Variants in ADAM17 observed in about 807,000 individuals in gnomAD.
The protein encoded by ADAM17 is disintegrin and metalloproteinase domain-containing protein 17.
A neutral mutation model predicts 96.7 loss-of-function variants in ADAM17; 39 were observed. That is an observed-to-expected ratio of 0.40 (90% CI 0.31 to 0.53). ADAM17 has a LOEUF of 0.53. Among genes scored for constraint, ADAM17 ranks in the 20% least tolerant of loss-of-function variants. ADAM17 has a pLI of 0.44. For synonymous variants in ADAM17, 344 were observed against 359.2 expected (o/e 0.96, Z 0.48); for missense variants, 777 against 1,013.2 (o/e 0.77, Z 3.17).
intron 13 of ADAM17, among the ~76,000 whole-genome samples, chr2:9,498,955 A>G (rs1370104932): frequency 6.6e-6 from 1 of 152,172 alleles, no homozygotes; most frequent in Non-Finnish European, 1.5e-5. Flanking sequence ...AAATCACCTG[A>G]CAGAAGGTTA....
intron 7 of ADAM17, 127 bp downstream of exon 7, chr2:9,523,122 A>G (rs1664376775): frequency 1.5e-6 from 1 of 649,920 alleles, no homozygotes; most frequent in Non-Finnish European, 2.6e-6. Flanking sequence ...ATCATAAAAA[A>G]TCATTGGCAT....
chr2:9,540,800 A>G (rs1247887851), intron 2 of ADAM17, among the ~76,000 whole-genome samples: 1 of 152,228 alleles, frequency 6.6e-6, no homozygotes, highest in Non-Finnish European at 1.5e-5. Flanking sequence ...AATATATAAA[A>G]AGATGCTCAA....
At chr2:9,550,027 T>C (rs768228439) in intron 1 of ADAM17, among the ~76,000 whole-genome samples, 1 of 152,114 alleles carries the variant, frequency 6.6e-6, no homozygotes, top group Non-Finnish European at 1.5e-5. Flanking sequence ...AAGCCAGTAC[T>C]GCTGTGAAGT....
rs139939783 is a variant in ADAM17 at position 9,494,483 on chromosome 2, C to T, written c.1914+154G>A. Among the ~76,000 whole-genome samples, 255 of 152,296 alleles carry T rather than the reference C, an allele frequency of 1.7e-3. 1 individual carries two copies. Among genetic ancestry groups the T allele is most frequent in the African/African-American group, 5.9e-3 (247 of 41,556 alleles). On this transcript the variant is annotated intron_variant, in intron 15 of 18. Transcript: ENST00000310823. Reference sequence around the variant, plus strand: ...AGGCAGGGACCTGAAAGCACTCCGTCTTCTCCTCCTAAGTAATACCCGTAG... The same window carrying T: ...AGGCAGGGACCTGAAAGCACTCCGTTTTCTCCTCCTAAGTAATACCCGTAG...
At chr2:9,540,726 A>C (rs918013953) in intron 2 of ADAM17, among the ~76,000 whole-genome samples, 1 of 152,220 alleles carries the variant, frequency 6.6e-6, no homozygotes, top group South Asian at 2.1e-4. Context: ...AGACAAATTC[A>C]ATAGAAAAAT....
intron 6 of ADAM17, among the ~76,000 whole-genome samples, chr2:9,524,645 G>A (rs1418251715): frequency 6.6e-6 from 1 of 152,168 alleles, no homozygotes; most frequent in Non-Finnish European, 1.5e-5. Context: ...CCAGAAACAA[G>A]TAAGGGGCCG....
rs371552823 is a variant in ADAM17 at position 9,491,004 on chromosome 2, C to G, written c.2133+97G>C. On this transcript the variant is annotated intron_variant, in intron 18 of 18. Coordinates refer to ENST00000310823, the MANE Select transcript of ADAM17 (RefSeq NM_003183.6). ...TTCCTGCTGCAACATGACCTTCCAT[C>G]AGCCAGTGAAAGCTCTTGCTGGGTC... The G allele has an allele frequency of 1.4e-4, 154 of 1,077,712 alleles. 1 individual carries two copies. In the African/African-American group the frequency reaches 2.2e-3, roughly 16 times the overall value. The allele number at this position is 1,077,712 out of a possible 1,614,324, so 66.8% of individuals were successfully genotyped here. A position where few individuals can be genotyped will look rare whatever the true frequency, so the allele number is the denominator to read the frequency against.
At chr2:9,518,898 G>C (rs995238315) in intron 8 of ADAM17, among the ~76,000 whole-genome samples, 7 of 29,670 alleles carry the variant, frequency 2.4e-4, no homozygotes, top group East Asian at 1.2e-3. Context: ...CCTTAATTTG[G>C]GGGGGGGGTT....
chr2:9,533,470 C>T (rs1664835428), intron 4 of ADAM17, among the ~76,000 whole-genome samples: 1 of 152,018 alleles, frequency 6.6e-6, no homozygotes, highest in African/African-American at 2.4e-5. Flanking sequence ...TGGCTTGAAC[C>T]CAGGAGGCAG....
Position 9,492,888 on chromosome 2 carries a change from G to T in ADAM17, c.2082+10C>A. On this transcript the variant is annotated intron_variant, in intron 17 of 18. Coordinates refer to ENST00000310823, the MANE Select transcript of ADAM17 (RefSeq NM_003183.6). Reference sequence around the variant, plus strand: ...TAAAACATTTAATTACTTAAAAGTTGATGACTTACCACACAATGGACAAGA... The same window carrying T: ...TAAAACATTTAATTACTTAAAAGTTTATGACTTACCACACAATGGACAAGA... 1 of 1,601,186 alleles carries T rather than the reference G, an allele frequency of 6.2e-7. No homozygotes were observed. Among genetic ancestry groups the T allele is most frequent in the South Asian group, 1.1e-5 (1 of 89,318 alleles).
intron 13 of ADAM17, among the ~76,000 whole-genome samples, chr2:9,500,285 A>C (rs1662921596): frequency 6.6e-6 from 1 of 152,242 alleles, no homozygotes; most frequent in African/African-American, 2.4e-5. Context: ...CAGTGAAAGA[A>C]GCCAGTCATA....
At chr2:9,547,815 C>A (rs1001567311) in intron 1 of ADAM17, among the ~76,000 whole-genome samples, 2 of 152,010 alleles carry the variant, frequency 1.3e-5, no homozygotes, top group African/African-American at 4.8e-5. Context: ...CTTGGGAGGC[C>A]AAGATGGGTA....
chr2:9,538,968 A>G (rs1665095477), intron 2 of ADAM17, among the ~76,000 whole-genome samples: 1 of 152,178 alleles, frequency 6.6e-6, no homozygotes, highest in Admixed American at 6.5e-5. Context: ...TCAGTTCTAG[A>G]CCTTCTCAAG....
At chr2:9,538,279 A>G (rs1399897031) in intron 2 of ADAM17, among the ~76,000 whole-genome samples, 1 of 152,198 alleles carries the variant, frequency 6.6e-6, no homozygotes, top group East Asian at 1.9e-4. Flanking sequence ...TACTGAAAAT[A>G]TATTACTTCC....
Position 9,555,768 on chromosome 2 carries a change from G to T in ADAM17, c.-163C>A, listed in dbSNP as rs1463048540. ...CTGGGAAGATTCTACCGCCAGGCTCGACGCCCCCAGAAGTGCAGGTGGCGT... is the reference window on the plus strand; with the variant it reads ...CTGGGAAGATTCTACCGCCAGGCTCTACGCCCCCAGAAGTGCAGGTGGCGT... On this transcript the variant is annotated 5_prime_UTR_variant, in exon 1 of 19. Coordinates refer to ENST00000310823, the MANE Select transcript of ADAM17 (RefSeq NM_003183.6). 5 of 539,356 alleles carry T rather than the reference G, an allele frequency of 9.3e-6. No individual in the cohort carries two copies. In the East Asian group the frequency reaches 1.3e-4, roughly 14 times the overall value. The allele number at this position is 539,356 out of a possible 1,614,324, so 33.4% of individuals were successfully genotyped here. A position where few individuals can be genotyped will look rare whatever the true frequency, so the allele number is the denominator to read the frequency against.
intron 2 of ADAM17, 113 bp from the exon 3 acceptor site, chr2:9,536,941 G>A (rs1664983294): frequency 8.0e-7 from 1 of 1,242,538 alleles, no homozygotes; most frequent in Non-Finnish European, 1.1e-6. Flanking sequence ...AAAACACTAT[G>A]CAAGTTACAA....
intron 10 of ADAM17, among the ~76,000 whole-genome samples, chr2:9,511,902 C>T (rs771924572): frequency 1.4e-4 from 22 of 151,858 alleles, no homozygotes; most frequent in Non-Finnish European, 2.8e-4. Context: ...ACCCAGGAGG[C>T]GGAGGTTGCT....
At chr2:9,500,166 T>A (rs2124985797) in intron 13 of ADAM17, among the ~76,000 whole-genome samples, 1 of 152,234 alleles carries the variant, frequency 6.6e-6, no homozygotes, top group South Asian at 2.1e-4. Flanking sequence ...AACCAATGAA[T>A]GAATAAACAA....
At chr2:9,553,196 G>A (rs1359810294) in intron 1 of ADAM17, among the ~76,000 whole-genome samples, 1 of 152,106 alleles carries the variant, frequency 6.6e-6, no homozygotes, top group Admixed American at 6.6e-5. Flanking sequence ...TGATCTCTAA[G>A]ATTCATTTGG....
Sources: gnomAD v4.1 joint callset for allele counts (sites outside exome capture counted in the v4.1 genomes callset) on GRCh38, gnomAD v4.1.1 for gene constraint, MANE v1.5 for transcripts, NCBI Gene and HGNC (gene_info 2026-07-23, HGNC 2026-07-21) for gene names.